Variants in EPB42 observed in about 807,000 individuals in gnomAD.
EPB42 encodes the protein protein 4.2.
EPB42 carries 49 observed loss-of-function variants against 76.9 expected under a neutral mutation model. That is an observed-to-expected ratio of 0.64 (90% CI 0.51 to 0.81). The LOEUF is 0.81. Ranked by LOEUF, EPB42 falls within the 30% of genes least tolerant of loss-of-function variation. The probability of loss-of-function intolerance (pLI) is 0.00; values close to 1 mark genes in which losing one functional copy is unlikely to be tolerated. For missense variants in EPB42, 731 were observed against 867.6 expected (o/e 0.84, Z 1.98); for synonymous variants, 310 against 338.4 (o/e 0.92, Z 0.92).
chr15:43,215,337 A>G lies in EPB42; in HGVS notation c.197-9T>C, dbSNP rs561335021. 24 of 1,613,714 alleles carry G rather than the reference A, an allele frequency of 1.5e-5. No homozygotes were observed. In the East Asian group the frequency reaches 5.1e-4, roughly 34 times the overall value. On this transcript the variant is annotated splice_polypyrimidine_tract_variant and intron_variant, in intron 2 of 12. Coordinates refer to ENST00000441366, the MANE Select transcript of EPB42 (RefSeq NM_001114134.2). ...CTTGGAAGGCTGCTCTCCTGTAGTCACACGGTGATTAGTCTGTCACTGGGA... is the reference window on the plus strand; with the variant it reads ...CTTGGAAGGCTGCTCTCCTGTAGTCGCACGGTGATTAGTCTGTCACTGGGA...
intron 12 of EPB42, among the ~76,000 whole-genome samples, chr15:43,198,344 G>T (rs1454445174): frequency 6.6e-6 from 1 of 152,186 alleles, no homozygotes; most frequent in Admixed American, 6.5e-5. Flanking sequence ...GGTGGTCTCA[G>T]ATAGAGATGA....
At chr15:43,221,643 T>C (rs1438297590), upstream of EPB42, among the ~76,000 whole-genome samples, 1 of 152,098 alleles carries the variant, frequency 6.6e-6, no homozygotes, top group Non-Finnish European at 1.5e-5. Flanking sequence ...AGGGCAGCTG[T>C]ACTTGCTGCA....
chr15:43,209,242 C>G lies in EPB42; in HGVS notation c.832+32G>C, dbSNP rs146973988. On this transcript the variant is annotated intron_variant, in intron 6 of 12. Coordinates refer to ENST00000441366, the MANE Select transcript of EPB42 (RefSeq NM_001114134.2). Reference sequence around the variant, plus strand: ...GGAGGCCAGGGAACAACCCAGGAGGCAGGGCACTCTACAGGAGACAAGGGG... The same window carrying G: ...GGAGGCCAGGGAACAACCCAGGAGGGAGGGCACTCTACAGGAGACAAGGGG... The G allele has an allele frequency of 7.7e-4, 1,243 of 1,613,370 alleles. 22 individuals carry two copies. In the East Asian group the frequency reaches 0.025, roughly 32 times the overall value.
At chr15:43,216,493 T>C (rs2042381737) in intron 1 of EPB42, 40 bp from the exon 2 acceptor site, 1 of 1,599,194 alleles carries the variant, frequency 6.3e-7, no homozygotes. Context: ...ACTAAGTACA[T>C]GTGACAATGT....
chr15:43,219,801 C>T (rs2042430850), intron 1 of EPB42, among the ~76,000 whole-genome samples: 1 of 152,012 alleles, frequency 6.6e-6, no homozygotes, highest in South Asian at 2.1e-4. Context: ...AAAAAATTAG[C>T]CGGGCATGGT....
chr15:43,215,213 G>C lies in EPB42; in HGVS notation c.312C>G (p.Ile104Met). The C allele has an allele frequency of 6.2e-7, 1 of 1,614,238 alleles. No individual in the cohort carries two copies. ...CAGCGTCCGCAGGTGTGGTCACAGA[G>C]ATGGTCCAGGACTGGGCATCTCTCT... is the stretch of plus-strand genomic sequence containing the variant. ...VEERDAQSWTISVTTPADAVI... is the reference protein window; with the variant it reads ...VEERDAQSWTMSVTTPADAVI... The change falls in exon 3 of 13, where the codon ATC becomes ATG. Residue 104 changes from isoleucine (I) to methionine (M), a missense_variant. Physicochemically the swap from Ile to Met is conservative, Grantham distance 10 (BLOSUM62 1). Coordinates refer to ENST00000441366, the MANE Select transcript of EPB42 (RefSeq NM_001114134.2).
Position 43,207,190 on chromosome 15 carries a change from G to C in EPB42, c.1318+9C>G, listed in dbSNP as rs781523892. 1 of 1,613,816 alleles carries C rather than the reference G, an allele frequency of 6.2e-7. No homozygotes were observed. Among genetic ancestry groups the C allele is most frequent in the Non-Finnish European group, 8.5e-7 (1 of 1,179,784 alleles). ...ACCGAGAAGCCTGGGGCCCTTCCCT[G>C]GCCCGTACCTTCAGGATACTTGTAG... is the stretch of plus-strand genomic sequence containing the variant. On this transcript the variant is annotated intron_variant, in intron 9 of 12. Transcript: ENST00000441366.
chr15:43,198,273 A>C (rs913677407), intron 12 of EPB42, among the ~76,000 whole-genome samples: 1 of 152,194 alleles, frequency 6.6e-6, no homozygotes, highest in African/African-American at 2.4e-5. Context: ...CTTCCTAGAG[A>C]CTTGTCGCAT....
chr15:43,204,876 C>T lies in EPB42; in HGVS notation c.1618+1454G>A, dbSNP rs146601286. 1.1e-3 allele frequency among the ~76,000 whole-genome samples: 160 copies of T among 151,852 alleles called. 2 individuals carry two copies. The highest frequency in any genetic ancestry group is 9.8e-3 in the Admixed American group (150 of 15,246). On this transcript the variant is annotated intron_variant, in intron 10 of 12. Coordinates refer to ENST00000441366, the MANE Select transcript of EPB42 (RefSeq NM_001114134.2). ...CCAAATCAGTTACATCAGACTCTGGCGATGAAGCCCAGACATCAGTATTTT... is the reference window on the plus strand; with the variant it reads ...CCAAATCAGTTACATCAGACTCTGGTGATGAAGCCCAGACATCAGTATTTT...
chr15:43,215,299 G>T lies in EPB42; in HGVS notation c.226C>A (p.Gln76Lys). 6.2e-7 allele frequency: 1 copy of T among 1,614,240 alleles called. No homozygotes were observed. Among genetic ancestry groups the T allele is most frequent in the South Asian group, 1.1e-5 (1 of 91,088 alleles). ...GEQPSKINRTQATFPISSLGD... is the reference protein window; with the variant it reads ...GEQPSKINRTKATFPISSLGD... ...AGACTGGAAATTGGGAATGTGGCTTGGGTCCTGTTGATCTTGGAAGGCTGC... is the reference window on the plus strand; with the variant it reads ...AGACTGGAAATTGGGAATGTGGCTTTGGTCCTGTTGATCTTGGAAGGCTGC... Residue 76 changes from glutamine to lysine, a missense_variant, in exon 3 of 13, where the codon CAA becomes AAA. Physicochemically the swap from Gln to Lys is moderately conservative, Grantham distance 53 (BLOSUM62 1). Transcript: ENST00000441366.
rs767414090 is a variant in EPB42 at position 43,206,595 on chromosome 15, G to A, written c.1353C>T (p.Val451=). 1.2e-5 allele frequency: 19 copies of A among 1,614,008 alleles called. No individual in the cohort carries two copies. The highest frequency in any genetic ancestry group is 8.9e-5 in the East Asian group (4 of 44,878). The change falls in exon 10 of 13, where the codon GTC becomes GTT. Residue 451 remains valine (V), a synonymous_variant. Transcript: ENST00000441366. This position sits in a 1 kb window ranked among gnomAD's most constrained non-coding sequence, Gnocchi z 4.7. ...SLQEKEVLER[V]EKEKMEREKD... ...TCTCACGTTCCATTTTCTCTTTCTCGACTCTCTCCAGCACCTCTTTTTCCT... is the reference window on the plus strand; with the variant it reads ...TCTCACGTTCCATTTTCTCTTTCTCAACTCTCTCCAGCACCTCTTTTTCCT...
intron 12 of EPB42, among the ~76,000 whole-genome samples, chr15:43,200,748 G>C (rs1182516769): frequency 6.6e-6 from 1 of 152,046 alleles, no homozygotes; most frequent in African/African-American, 2.4e-5. Context: ...GACAGTACCT[G>C]GTCAAACCAC....
intron 12 of EPB42, 117 bp from the exon 13 acceptor site, chr15:43,197,581 A>G (rs2042062089): frequency 1.7e-6 from 2 of 1,164,696 alleles, no homozygotes; most frequent in Non-Finnish European, 2.5e-6. Flanking sequence ...TAAACATCTA[A>G]GTACCTTGCT....
chr15:43,199,498 G>A (rs538407551), intron 12 of EPB42, among the ~76,000 whole-genome samples: 1 of 152,260 alleles, frequency 6.6e-6, no homozygotes, highest in South Asian at 2.1e-4. Flanking sequence ...CTGTATCTAG[G>A]AAGTAACTAG....
chr15:43,197,518 T>C, intron 12 of EPB42, 54 bp from the exon 13 acceptor site: 1 of 1,604,694 alleles, frequency 6.2e-7, no homozygotes, highest in Non-Finnish European at 8.5e-7. Context: ...ATTGCTCTGC[T>C]GGTCCCAGTG....
upstream of EPB42, among the ~76,000 whole-genome samples, chr15:43,225,684 A>G (rs1003817339): frequency 6.6e-6 from 1 of 152,142 alleles, no homozygotes; most frequent in African/African-American, 2.4e-5. Flanking sequence ...ACCATTAGCT[A>G]TTTCTCTGTC....
chr15:43,221,714 G>T (rs940099603), upstream of EPB42, among the ~76,000 whole-genome samples: 4 of 151,812 alleles, frequency 2.6e-5, no homozygotes, highest in African/African-American at 9.7e-5. Flanking sequence ...GGTTGCCTGT[G>T]GGGAGGGGAT....
Position 43,206,670 on chromosome 15 carries a change from G to A in EPB42, c.1319-41C>T. On this transcript the variant is annotated intron_variant, in intron 9 of 12. Coordinates refer to ENST00000441366, the MANE Select transcript of EPB42 (RefSeq NM_001114134.2). This position sits in a 1 kb window ranked among gnomAD's most constrained non-coding sequence, Gnocchi z 4.7. ...AACAAAGCTGACCTTTTACCCGGGT[G>A]GTATAAATGCTTCTAATAAAACCCT... is the stretch of plus-strand genomic sequence containing the variant. 6.2e-7 allele frequency: 1 copy of A among 1,608,762 alleles called. No homozygotes were observed. Among genetic ancestry groups the A allele is most frequent in the Non-Finnish European group, 8.5e-7 (1 of 1,175,682 alleles).
chr15:43,203,394 T>C, intron 10 of EPB42, 119 bp from the exon 11 acceptor site: 1 of 1,296,922 alleles, frequency 7.7e-7, no homozygotes, highest in Non-Finnish European at 1.1e-6. Flanking sequence ...GATGCACCAT[T>C]TTCCCCAGCA....
Sources: gnomAD v4.1 joint callset for allele counts (sites outside exome capture counted in the v4.1 genomes callset) on GRCh38, gnomAD v4.1.1 for gene constraint, Gnocchi (gnomAD v3.1) non-coding constraint, MANE v1.5 for transcripts, NCBI Gene and HGNC (gene_info 2026-07-23, HGNC 2026-07-21) for gene names.